SUCLG2: variants seen among roughly 807,000 people sequenced by gnomAD.
The protein encoded by SUCLG2 is succinate--CoA ligase [GDP-forming] subunit beta, mitochondrial.
Under a neutral mutation model 47.9 loss-of-function variants are expected in SUCLG2, and 42 were observed. The observed-to-expected ratio is 0.88, with a 90% confidence interval of 0.69 to 1.14. The LOEUF (loss-of-function observed/expected upper bound fraction) is 1.14. SUCLG2 is among the 50% of genes most tolerant of loss of function. SUCLG2 has a pLI of 0.00. For missense variants in SUCLG2, 571 were observed against 525.9 expected (o/e 1.09, Z -0.84); for synonymous variants, 195 against 197.3 (o/e 0.99, Z 0.10).
At chr3:67,360,605 C>G in exon 11 of SUCLG2, 1 of 1,475,544 alleles carries the variant, frequency 6.8e-7, no homozygotes, top group Admixed American at 2.4e-5. Context: ...GTAATCTCAG[C>G]AAGTATCTTA....
chr3:67,599,587 T>C (rs1708370221), intron 2 of SUCLG2, among the ~76,000 whole-genome samples: 1 of 152,184 alleles, frequency 6.6e-6, no homozygotes, highest in Non-Finnish European at 1.5e-5. Flanking sequence ...CTGAAGATTC[T>C]GGGAACAATT....
intron 2 of SUCLG2, among the ~76,000 whole-genome samples, chr3:67,547,059 G>A (rs533522298): frequency 2.6e-5 from 4 of 152,100 alleles, no homozygotes; most frequent in South Asian, 2.1e-4. Context: ...TGGGTCTCTT[G>A]TACCCCAAAA....
chr3:67,383,153 C>T (rs180937521), intron 10 of SUCLG2, among the ~76,000 whole-genome samples: 89 of 152,312 alleles, frequency 5.8e-4, no homozygotes, highest in African/African-American at 2.0e-3. Flanking sequence ...CAGCATTGGC[C>T]ATCCATGTGG....
chr3:67,384,596 G>T (rs1044930261), intron 10 of SUCLG2, among the ~76,000 whole-genome samples: 1 of 152,156 alleles, frequency 6.6e-6, no homozygotes, highest in Admixed American at 6.5e-5. Context: ...AAAGGGTCAG[G>T]TGAAGACAAG....
At chr3:67,538,770 T>C (rs1443518572) in intron 2 of SUCLG2, among the ~76,000 whole-genome samples, 2 of 152,236 alleles carry the variant, frequency 1.3e-5, no homozygotes, top group African/African-American at 4.8e-5. Flanking sequence ...GAAGAGGTCC[T>C]TCACAAACCT....
intron 2 of SUCLG2, among the ~76,000 whole-genome samples, chr3:67,597,211 C>T (rs933903046): frequency 1.3e-5 from 2 of 152,148 alleles, no homozygotes; most frequent in Non-Finnish European, 2.9e-5. Flanking sequence ...GCAAAGACAC[C>T]GAGTTGATGT....
In SUCLG2 at chr3:67,619,727, T is replaced by C. The variant is rs373243319; in HGVS notation, c.85-10131A>G. Among the ~76,000 whole-genome samples the C allele has an allele frequency of 6.6e-5, 10 of 152,184 alleles. No individual in the cohort carries two copies. The East Asian group carries it at 1.7e-3, about 26-fold the overall frequency. On this transcript the variant is annotated intron_variant, in intron 1 of 10. Transcript: ENST00000307227. ...GAGCAAAGAAATGTAAAACACTTTG[T>C]AGTAATGACAAATGCCCAAAGGAGA... is the stretch of plus-strand genomic sequence containing the variant.
At chr3:67,557,723 G>C (rs1182393690) in intron 2 of SUCLG2, among the ~76,000 whole-genome samples, 1 of 152,158 alleles carries the variant, frequency 6.6e-6, no homozygotes. Context: ...ATCACTTGTA[G>C]TGCATCTTAA....
At chr3:67,451,857 G>C (rs1704064252) in intron 9 of SUCLG2, among the ~76,000 whole-genome samples, 1 of 152,140 alleles carries the variant, frequency 6.6e-6, no homozygotes, top group Admixed American at 6.5e-5. Context: ...GGCTGGGGAA[G>C]AACCTGATGT....
intron 9 of SUCLG2, among the ~76,000 whole-genome samples, chr3:67,461,090 T>C (rs2063063192): frequency 6.6e-6 from 1 of 152,206 alleles, no homozygotes; most frequent in African/African-American, 2.4e-5. Flanking sequence ...TCCAATTACA[T>C]GCAGGATTTA....
At chr3:67,468,532 C>CT (rs1308526025) in intron 9 of SUCLG2, among the ~76,000 whole-genome samples, 1 of 152,144 alleles carries the variant, frequency 6.6e-6, no homozygotes, top group African/African-American at 2.4e-5. Context: ...TATGATCACT[C>CT]TGAGACCACC....
chr3:67,644,415 G>T (rs1162666002), intron 1 of SUCLG2, among the ~76,000 whole-genome samples: 1 of 152,084 alleles, frequency 6.6e-6, no homozygotes, highest in African/African-American at 2.4e-5. Flanking sequence ...TTTTAGATAA[G>T]GTTCCTAGAG....
At chr3:67,555,451 A>T (rs1027503626) in intron 2 of SUCLG2, among the ~76,000 whole-genome samples, 4 of 152,162 alleles carry the variant, frequency 2.6e-5, no homozygotes, top group South Asian at 2.1e-4. Flanking sequence ...GTAATGCCTC[A>T]ACAGTAATGA....
chr3:67,441,228 G>T (rs1288334134), intron 9 of SUCLG2, among the ~76,000 whole-genome samples: 4 of 152,098 alleles, frequency 2.6e-5, no homozygotes, highest in African/African-American at 9.7e-5. Flanking sequence ...GCCTGTCAGG[G>T]GCTGGGGGGC....
chr3:67,624,769 T>C (rs1327905234), intron 1 of SUCLG2, among the ~76,000 whole-genome samples: 1 of 152,030 alleles, frequency 6.6e-6, no homozygotes, highest in African/African-American at 2.4e-5. Context: ...CTAGATATCA[T>C]GAAAAGGAAA....
chr3:67,535,707 G>A (rs1032138132), intron 2 of SUCLG2, among the ~76,000 whole-genome samples: 1 of 152,162 alleles, frequency 6.6e-6, no homozygotes, highest in African/African-American at 2.4e-5. Context: ...AGCAGGATCA[G>A]CACTTGGGAC....
chr3:67,367,835 T>C (rs1701895906), intron 10 of SUCLG2, among the ~76,000 whole-genome samples: 1 of 152,220 alleles, frequency 6.6e-6, no homozygotes, highest in South Asian at 2.1e-4. Context: ...TATGGTCAAT[T>C]TTCTCTATCT....
At chr3:67,488,331 T>C (rs1020643670) in intron 9 of SUCLG2, among the ~76,000 whole-genome samples, 4 of 152,104 alleles carry the variant, frequency 2.6e-5, no homozygotes, top group Admixed American at 2.6e-4. Flanking sequence ...AATGAGACCA[T>C]CTTTCCTAAT....
chr3:67,603,547 A>T (rs545883690), intron 2 of SUCLG2, among the ~76,000 whole-genome samples: 2 of 152,342 alleles, frequency 1.3e-5, no homozygotes, highest in African/African-American at 4.8e-5. Flanking sequence ...CCATTTTAGG[A>T]TGCATGTCAT....
Sources: allele counts gnomAD v4.1 joint callset (sites outside exome capture counted in the v4.1 genomes callset), GRCh38; gene constraint gnomAD v4.1.1; transcripts MANE v1.5; gene names NCBI Gene and HGNC (gene_info 2026-07-23, HGNC 2026-07-21).